Variants in TRIOBP observed in about 807,000 individuals in gnomAD.
The protein encoded by TRIOBP is TRIO and F-actin-binding protein.
Under a neutral mutation model 238.8 loss-of-function variants are expected in TRIOBP, and 169 were observed. The observed-to-expected ratio is 0.71, with a 90% CI of 0.62 to 0.80. The LOEUF (loss-of-function observed/expected upper bound fraction) is 0.80. Ranked by LOEUF, TRIOBP falls within the 30% of genes least tolerant of loss-of-function variation. The pLI is 0.00. For synonymous variants in TRIOBP, 1,150 were observed against 1,274.4 expected, an observed-to-expected ratio of 0.90 and a Z score of 2.08; for missense variants, 2,838 against 3,122.6, an observed-to-expected ratio of 0.91 and a Z score of 2.17.
chr22:37,701,525 T>C (rs375105657), intron 3 of TRIOBP, 46 bp downstream of exon 3: 3 of 1,400,038 alleles, frequency 2.1e-6, no homozygotes, highest in Non-Finnish European at 3.0e-6. Context: ...GATGGGGGCA[T>C]GGGTGAAGGA....
chr22:37,769,070 G>T lies in TRIOBP; in HGVS notation c.6618G>T (p.Ser2206=). 6.2e-7 allele frequency: 1 copy of T among 1,613,584 alleles called. No individual in the cohort carries two copies. Among genetic ancestry groups the T allele is most frequent in the Non-Finnish European group, 8.5e-7 (1 of 1,180,038 alleles). The change falls in exon 20 of 24, where the codon TCG becomes TCT. Residue 2206 remains serine, a synonymous_variant. Coordinates refer to ENST00000644935, the MANE Select transcript of TRIOBP (RefSeq NM_001039141.3). ...TGAAGCGAGAGCTGCAGGTGCTATC[G>T]GAGCAGTACTCGCAGAAGTGCCTGG... ...EALKRELQVL[S]EQYSQKCLEI... is the part of the protein sequence containing the mutation.
At position 37,697,654 on chromosome 22, in the gene TRIOBP, A is replaced by G. The variant is rs1323497960; in HGVS notation, c.-103A>G. The G allele has an allele frequency of 1.3e-5, 2 of 152,248 alleles. No homozygotes were observed. The highest frequency in any genetic ancestry group is 4.8e-5 in the African/African-American group (2 of 41,456). 9.4% of individuals were successfully genotyped at this position (152,248 alleles called of 1,614,324 possible). A position where few individuals can be genotyped will look rare whatever the true frequency, so the allele number is the denominator to read the frequency against. Reference sequence around the variant, plus strand: ...AGGAGGTGAAATTCCTCAGCTCTCCACCAAGATTGGCCACAAAAGCCTGAT... The same window carrying G: ...AGGAGGTGAAATTCCTCAGCTCTCCGCCAAGATTGGCCACAAAAGCCTGAT... On this transcript the variant is annotated 5_prime_UTR_variant, in exon 2 of 24. Coordinates refer to ENST00000644935, the MANE Select transcript of TRIOBP (RefSeq NM_001039141.3).
chr22:37,714,733 A>G (rs367829155), intron 5 of TRIOBP, among the ~76,000 whole-genome samples: 12 of 151,412 alleles, frequency 7.9e-5, no homozygotes, highest in African/African-American at 2.9e-4. Flanking sequence ...CTGGAATGCA[A>G]TGATGTGAAC....
chr22:37,717,950 A>G (rs1011962595), intron 6 of TRIOBP, among the ~76,000 whole-genome samples: 57 of 152,194 alleles, frequency 3.7e-4, no homozygotes, highest in Non-Finnish European at 3.2e-4. Context: ...GGGGAAGCTC[A>G]GGCATGGCGG....
In TRIOBP at chr22:37,698,084, C is replaced by CA. The variant is rs1922444009; in HGVS notation, c.-61+389dup. Among the ~76,000 whole-genome samples the CA allele has an allele frequency of 4.6e-5, 7 of 151,172 alleles. No homozygotes were observed. In the South Asian group the frequency reaches 1.5e-3, roughly 32 times the overall value. On this transcript the variant is annotated intron_variant, in intron 2 of 23. Transcript: ENST00000644935. ...GCATGGTGGCACATGCCTGTAATCCCAGCTATTTGGGAGGCTGCGGCAGGA... is the reference window on the plus strand; with the variant it reads ...GCATGGTGGCACATGCCTGTAATCCCAAGCTATTTGGGAGGCTGCGGCAGGA...
At chr22:37,748,682 T>C (rs1322375044) in intron 11 of TRIOBP, among the ~76,000 whole-genome samples, 1 of 152,106 alleles carries the variant, frequency 6.6e-6, no homozygotes, top group African/African-American at 2.4e-5. Context: ...GCATCTAATC[T>C]AGCCTGTGAA....
intron 3 of TRIOBP, 73 bp downstream of exon 3, chr22:37,701,552 C>T (rs768782024): frequency 2.3e-4 from 252 of 1,110,414 alleles, no homozygotes; most frequent in Non-Finnish European, 2.9e-4. Flanking sequence ...CTGTGGTGTC[C>T]GCTAACTCGC....
Position 37,709,300 on chromosome 22 carries a change from C to T in TRIOBP, c.115-1127C>T, listed in dbSNP as rs531315940. On this transcript the variant is annotated intron_variant, in intron 3 of 23. Transcript: ENST00000644935. ...CCAGGGTCCCCAGGGATCCCAGGCC[C>T]AGGCTCTTGCCCCTCCCGGCTCTCA... Among the ~76,000 whole-genome samples, 446 of 152,356 alleles carry T rather than the reference C, an allele frequency of 2.9e-3. 2 individuals are homozygous for T. The highest frequency in any genetic ancestry group is 0.017 in the Middle Eastern group (5 of 294).
rs572897486 is a variant in TRIOBP at position 37,710,491 on chromosome 22, C to T, written c.179C>T (p.Pro60Leu). Residue 60 changes from proline to leucine, a missense_variant, in exon 4 of 24, where the codon CCT becomes CTT. Pro to Leu is a moderately conservative substitution (Grantham distance 98, BLOSUM62 -3). Transcript: ENST00000644935. ...YCDLPRCPPA[P>L]EDPLSASTSG... ...GACCTGCCTCGATGTCCACCTGCCC[C>T]TGAGGACCCACTCAGCGCCTCAACC... The T allele has an allele frequency of 6.2e-7, 1 of 1,613,060 alleles. No homozygotes were observed. The highest frequency in any genetic ancestry group is 1.1e-5 in the South Asian group (1 of 91,020).
At chr22:37,746,377 G>C (rs753036587) in intron 11 of TRIOBP, 1 of 1,308,794 alleles carries the variant, frequency 7.6e-7, no homozygotes, top group Non-Finnish European at 9.8e-7. Flanking sequence ...CCGCGTCCAC[G>C]TTCCTGCCTC....
Position 37,723,651 on chromosome 22 carries a change from A to G in TRIOBP, c.1095A>G (p.Gln365=), listed in dbSNP as rs765217348. The G allele has an allele frequency of 6.2e-6, 10 of 1,613,682 alleles. No individual in the cohort carries two copies. In the East Asian group the frequency reaches 2.0e-4, roughly 32 times the overall value. The change falls in exon 7 of 24, where the codon CAA becomes CAG. Residue 365 remains glutamine (Q), a synonymous_variant. Transcript: ENST00000644935. ...CTTCTACCCAGCAGGACAACCCCCA[A>G]ACTTCTTTTCCTACTTGTACTCCCC... The part of the protein sequence containing the change: ...RTSSTQQDNP[Q]TSFPTCTPQR...
intron 9 of TRIOBP, among the ~76,000 whole-genome samples, chr22:37,737,680 A>AC (rs58857856): frequency 0.015 from 2,327 of 150,204 alleles, 28 homozygotes; most frequent in Non-Finnish European, 0.02. Context: ...AAAAAAAAAA[A>AC]TCCTTGGCAT....
chr22:37,712,519 G>C (rs959304695), intron 4 of TRIOBP, among the ~76,000 whole-genome samples: 7 of 151,950 alleles, frequency 4.6e-5, no homozygotes, highest in Non-Finnish European at 8.8e-5. Flanking sequence ...ATTTTTAGTA[G>C]AGACGGGGTT....
At chr22:37,704,524 C>G (rs1285442474) in intron 3 of TRIOBP, among the ~76,000 whole-genome samples, 1 of 151,656 alleles carries the variant, frequency 6.6e-6, no homozygotes, top group Non-Finnish European at 1.5e-5. Flanking sequence ...AGGGACACAT[C>G]CCTGGCTTGT....
intron 12 of TRIOBP, among the ~76,000 whole-genome samples, chr22:37,753,891 G>A (rs564953877): frequency 6.6e-6 from 1 of 152,192 alleles, no homozygotes; most frequent in South Asian, 2.1e-4. Context: ...GGCGGGCCGC[G>A]ACTGGCATTC....
intron 3 of TRIOBP, among the ~76,000 whole-genome samples, chr22:37,705,696 C>T (rs1922907956): frequency 6.6e-6 from 1 of 151,392 alleles, no homozygotes; most frequent in African/African-American, 2.4e-5. Flanking sequence ...CTGCCTCAGC[C>T]TCCCAGGTAG....
intron 11 of TRIOBP, among the ~76,000 whole-genome samples, chr22:37,747,153 G>T (rs1044372305): frequency 4.0e-5 from 6 of 151,712 alleles, no homozygotes; most frequent in Non-Finnish European, 7.4e-5. Flanking sequence ...GAGCCTCACA[G>T]CTGGGTTCGC....
chr22:37,736,326 C>CG (rs1924669349), intron 9 of TRIOBP, among the ~76,000 whole-genome samples: 1 of 152,178 alleles, frequency 6.6e-6, no homozygotes, highest in Non-Finnish European at 1.5e-5. Context: ...ACTTCTCTGA[C>CG]GGGCAGCGCT....
chr22:37,771,512 C>A, intron 21 of TRIOBP, 138 bp from the exon 22 acceptor site: 1 of 748,536 alleles, frequency 1.3e-6, no homozygotes, highest in Non-Finnish European at 2.4e-6. Flanking sequence ...AGTCCGCCTC[C>A]AGGATGTAGA....
Sources: allele counts gnomAD v4.1 joint callset (sites outside exome capture counted in the v4.1 genomes callset), GRCh38; gene constraint gnomAD v4.1.1; transcripts MANE v1.5; gene names NCBI Gene and HGNC (gene_info 2026-07-23, HGNC 2026-07-21).